Variants in LAMA3 observed in about 807,000 individuals in gnomAD.
LAMA3 encodes laminin subunit alpha 3.
Under a neutral mutation model 402.0 loss-of-function variants are expected in LAMA3, and 281 were observed. The observed-to-expected ratio is 0.70, with a 90% CI of 0.63 to 0.77. The LOEUF is 0.77. LAMA3 is among the 30% of genes least tolerant of loss of function. LAMA3 has a pLI of 0.00. For missense variants in LAMA3, 3,840 were observed against 4,215.5 expected, an observed-to-expected ratio of 0.91 and a Z score of 2.47; for synonymous variants, 1,431 against 1,558.4, an observed-to-expected ratio of 0.92 and a Z score of 1.93.
In LAMA3 at chr18:23,689,672, C is replaced by T; in HGVS notation, c.-12C>T. On this transcript the variant is annotated 5_prime_UTR_variant, in exon 1 of 75. Transcript: ENST00000313654. ...TGCGGACGGCTCAGGCGGGAGGACCCCGCGCGGCTGGATGGCGGCGGCCGC... is the reference window on the plus strand; with the variant it reads ...TGCGGACGGCTCAGGCGGGAGGACCTCGCGCGGCTGGATGGCGGCGGCCGC... The T allele has an allele frequency of 7.6e-7, 1 of 1,312,122 alleles. No homozygotes were observed. Among genetic ancestry groups the T allele is most frequent in the South Asian group, 2.3e-5 (1 of 44,280 alleles). 81.3% of individuals were successfully genotyped at this position (1,312,122 alleles called of 1,614,324 possible). A position where few individuals can be genotyped will look rare whatever the true frequency, so the allele number is the denominator to read the frequency against.
chr18:23,778,848 A>G (rs1338312362), intron 11 of LAMA3, among the ~76,000 whole-genome samples: 1 of 152,220 alleles, frequency 6.6e-6, no homozygotes, highest in Non-Finnish European at 1.5e-5. Context: ...TTGGCAGTGA[A>G]GTTCAGGCTC....
intron 1 of LAMA3, among the ~76,000 whole-genome samples, chr18:23,692,184 T>C (rs1303885242): frequency 6.6e-6 from 1 of 152,204 alleles, no homozygotes; most frequent in African/African-American, 2.4e-5. Flanking sequence ...AGCCTAAAAA[T>C]TTTTAGAAGT....
chr18:23,909,347 A>G (rs762852893), intron 55 of LAMA3, 52 bp downstream of exon 55: 14 of 1,519,512 alleles, frequency 9.2e-6, no homozygotes, highest in South Asian at 5.6e-5. Context: ...TTAATGAGTT[A>G]TCACATTTAT....
intron 19 of LAMA3, among the ~76,000 whole-genome samples, chr18:23,821,553 G>C (rs1290157190): frequency 1.3e-5 from 2 of 152,232 alleles, no homozygotes; most frequent in African/African-American, 4.8e-5. Flanking sequence ...CAGTGGTTCA[G>C]AATTAAAATA....
chr18:23,833,804 C>A, intron 23 of LAMA3, 24 bp from the exon 24 acceptor site: 1 of 1,612,262 alleles, frequency 6.2e-7, no homozygotes, highest in Non-Finnish European at 8.5e-7. Flanking sequence ...GGATCACAGT[C>A]TGTCTGCTTG....
chr18:23,710,440 G>C (rs1284797724), intron 1 of LAMA3, among the ~76,000 whole-genome samples: 1 of 152,204 alleles, frequency 6.6e-6, no homozygotes, highest in Non-Finnish European at 1.5e-5. Context: ...CCCTGAGAAA[G>C]TTCTTCAACC....
At chr18:23,917,816 T>C (rs1346321945) in intron 60 of LAMA3, among the ~76,000 whole-genome samples, 1 of 152,210 alleles carries the variant, frequency 6.6e-6, no homozygotes, top group Non-Finnish European at 1.5e-5. Flanking sequence ...GTCTGTTTAC[T>C]CTGTTGATAG....
At chr18:23,851,927 T>G (rs1462847956) in intron 32 of LAMA3, among the ~76,000 whole-genome samples, 1 of 151,496 alleles carries the variant, frequency 6.6e-6, no homozygotes, top group Non-Finnish European at 1.5e-5. Context: ...TGTCACTGTC[T>G]TCCCTTTCAA....
chr18:23,908,962 T>C (rs1324964358), intron 54 of LAMA3, among the ~76,000 whole-genome samples, 191 bp from the exon 55 acceptor site: 1 of 152,194 alleles, frequency 6.6e-6, no homozygotes, highest in East Asian at 1.9e-4. Flanking sequence ...CCATGGTTGA[T>C]AGCAAGTACT....
At chr18:23,861,173 T>C (rs1249175151) in intron 34 of LAMA3, among the ~76,000 whole-genome samples, 1 of 107,480 alleles carries the variant, frequency 9.3e-6, no homozygotes, top group Non-Finnish European at 1.6e-5. Flanking sequence ...CAGTTCTTTC[T>C]TTTTTTTTTA....
Position 23,954,491 on chromosome 18 carries a change from T to C in LAMA3, c.9857-12T>C, listed in dbSNP as rs566581954. ...AATTATTTACTGAATGCCTCTCCAC[T>C]TTCTCTTTCAGCCAATTTGACGACA... On this transcript the variant is annotated splice_polypyrimidine_tract_variant and intron_variant, in intron 74 of 74. Coordinates refer to ENST00000313654, the MANE Select transcript of LAMA3 (RefSeq NM_198129.4). 1 of 1,613,260 alleles carries C rather than the reference T, an allele frequency of 6.2e-7. No homozygotes were observed. The highest frequency in any genetic ancestry group is 1.3e-5 in the African/African-American group (1 of 74,970).
intron 2 of LAMA3, among the ~76,000 whole-genome samples, chr18:23,744,754 C>T (rs571895629): frequency 6.7e-6 from 1 of 148,240 alleles, no homozygotes; most frequent in Non-Finnish European, 1.5e-5. Flanking sequence ...ATGGCGTGAA[C>T]CTGGGAGGCG....
chr18:23,884,633 G>A, intron 40 of LAMA3, 140 bp from the exon 41 acceptor site: 1 of 782,126 alleles, frequency 1.3e-6, no homozygotes, highest in Admixed American at 2.0e-5. Context: ...GTCTTGATGG[G>A]CAAAATTTTC....
At chr18:23,721,080 C>T (rs766267587) in intron 2 of LAMA3, among the ~76,000 whole-genome samples, 1 of 151,914 alleles carries the variant, frequency 6.6e-6, no homozygotes, top group Non-Finnish European at 1.5e-5. Context: ...ACTGCTTGAG[C>T]CCAGGAGTTG....
chr18:23,730,359 T>C (rs1398381139), intron 2 of LAMA3, among the ~76,000 whole-genome samples: 2 of 143,138 alleles, frequency 1.4e-5, no homozygotes, highest in African/African-American at 5.1e-5. Context: ...TCTTTTTTTC[T>C]TTTTCTTTCT....
At chr18:23,695,856 A>G (rs1324090228) in intron 1 of LAMA3, among the ~76,000 whole-genome samples, 2 of 127,328 alleles carry the variant, frequency 1.6e-5, no homozygotes, top group East Asian at 5.6e-4. Context: ...GCACTTCTTT[A>G]TGGCAGTAAG....
Position 23,720,466 on chromosome 18 carries a change from T to C in LAMA3, c.447+6394T>C, listed in dbSNP as rs61438393. ...GCCTCCCAGGTTCAAGTGATTCTCC[T>C]GCCTCAGCCTCCCGAGTAGCTGGGA... On this transcript the variant is annotated intron_variant, in intron 2 of 74. Coordinates refer to ENST00000313654, the MANE Select transcript of LAMA3 (RefSeq NM_198129.4). 2.0e-4 allele frequency among the ~76,000 whole-genome samples: 31 copies of C among 152,252 alleles called. 2 individuals are homozygous for C. In the East Asian group the frequency reaches 5.2e-3, roughly 26 times the overall value.
chr18:23,804,416 G>A (rs957447129), intron 12 of LAMA3, among the ~76,000 whole-genome samples: 1 of 152,254 alleles, frequency 6.6e-6, no homozygotes, highest in Non-Finnish European at 1.5e-5. Context: ...AACTGAGGTA[G>A]AAGACTCTGG....
Position 23,751,134 on chromosome 18 carries a change from T to C in LAMA3, c.855+46T>C, listed in dbSNP as rs977870712. ...TTTTGTTACTTTATTTATTCATTTT[T>C]TTGGCTTACCAAATTAATTGCCTTG... On this transcript the variant is annotated intron_variant, in intron 5 of 74. Coordinates refer to ENST00000313654, the MANE Select transcript of LAMA3 (RefSeq NM_198129.4). 6.2e-6 allele frequency: 10 copies of C among 1,603,844 alleles called. No individual in the cohort carries two copies. In the African/African-American group the frequency reaches 1.3e-4, roughly 21 times the overall value.
Sources: gnomAD v4.1 joint callset for allele counts (sites outside exome capture counted in the v4.1 genomes callset) on GRCh38, gnomAD v4.1.1 for gene constraint, MANE v1.5 for transcripts, NCBI Gene and HGNC (gene_info 2026-07-23, HGNC 2026-07-21) for gene names.